Variants in FABP12 observed in about 807,000 individuals in gnomAD.
The protein encoded by FABP12 is fatty acid binding protein 12, also known as fatty acid-binding protein 12.
A neutral mutation model predicts 13.7 loss-of-function variants in FABP12; 19 were observed. The ratio of observed to expected loss-of-function variants is 1.39; its 90% confidence interval spans 0.97 to 2.04. The LOEUF (loss-of-function observed/expected upper bound fraction) is 2.04. Ranked by LOEUF, FABP12 falls within the 30% of genes most tolerant of loss-of-function variation. The probability of loss-of-function intolerance (pLI) is 0.00; values close to 1 mark genes in which losing one functional copy is unlikely to be tolerated. For synonymous variants in FABP12, 61 were observed against 57.0 expected (o/e 1.07, Z -0.32); for missense variants, 182 against 164.2 (o/e 1.11, Z -0.59).
chr8:81,546,985 T>C (rs1337615530), intron 1 of FABP12, among the ~76,000 whole-genome samples: 1 of 152,198 alleles, frequency 6.6e-6, no homozygotes, highest in Non-Finnish European at 1.5e-5. Flanking sequence ...AAGAGTTCTT[T>C]GCAAAAACTC....
intron 1 of FABP12, among the ~76,000 whole-genome samples, chr8:81,554,384 G>A (rs1357786996): frequency 6.6e-6 from 1 of 152,302 alleles, no homozygotes; most frequent in East Asian, 1.9e-4. Flanking sequence ...CCAAGAATCA[G>A]AGATTGTGGG....
At chr8:81,571,166 C>T (rs901720674) in intron 1 of FABP12, among the ~76,000 whole-genome samples, 3 of 152,224 alleles carry the variant, frequency 2.0e-5, no homozygotes, top group African/African-American at 7.2e-5. Context: ...TACTTGGGCT[C>T]GGCCTCAACC....
At chr8:81,539,947 A>G (rs1285472735) in intron 1 of FABP12, among the ~76,000 whole-genome samples, 1 of 152,168 alleles carries the variant, frequency 6.6e-6, no homozygotes, top group Non-Finnish European at 1.5e-5. Flanking sequence ...CAGTAACCTC[A>G]TGGTTCTCAA....
At chr8:81,525,758 T>C (rs1036776281) in intron 4 of FABP12, 4 of 152,232 alleles carry the variant, frequency 2.6e-5, no homozygotes, top group Admixed American at 6.5e-5. Context: ...AATGCCAACA[T>C]TGATGCATTT....
At chr8:81,543,903 T>C (rs527825039) in intron 1 of FABP12, among the ~76,000 whole-genome samples, 45 of 151,874 alleles carry the variant, frequency 3.0e-4, no homozygotes, top group Non-Finnish European at 5.9e-4. Context: ...AGGAGTTTTA[T>C]AGGAAAGAGA....
intron 3 of FABP12, 35 bp from the exon 4 acceptor site, chr8:81,527,156 T>C (rs1203076094): frequency 8.0e-7 from 1 of 1,246,706 alleles, no homozygotes; most frequent in Admixed American, 2.1e-5. Flanking sequence ...CAGATCAGCT[T>C]GTCATATTTC....
intron 1 of FABP12, among the ~76,000 whole-genome samples, chr8:81,560,987 G>A (rs567163505): frequency 1.4e-4 from 21 of 152,274 alleles, no homozygotes; most frequent in South Asian, 6.2e-4. Context: ...AAGGTGACCC[G>A]GCCACCCTTC....
intron 1 of FABP12, among the ~76,000 whole-genome samples, chr8:81,549,131 C>G (rs922786733): frequency 6.6e-6 from 1 of 152,002 alleles, no homozygotes; most frequent in Non-Finnish European, 1.5e-5. Flanking sequence ...CCAGTGCCAG[C>G]TTCACCTGAA....
At chr8:81,552,021 T>G (rs1809530459) in intron 1 of FABP12, among the ~76,000 whole-genome samples, 3 of 152,088 alleles carry the variant, frequency 2.0e-5, no homozygotes, top group African/African-American at 7.2e-5. Context: ...ATCATCTAAT[T>G]TGGACCACAG....
chr8:81,551,961 T>C (rs1285867983), intron 1 of FABP12, among the ~76,000 whole-genome samples: 2 of 152,116 alleles, frequency 1.3e-5, no homozygotes, highest in African/African-American at 2.4e-5. Context: ...TGCTAGCTTC[T>C]AGGATGTAGC....
At chr8:81,550,370 T>C (rs1426645378) in intron 1 of FABP12, among the ~76,000 whole-genome samples, 1 of 152,160 alleles carries the variant, frequency 6.6e-6, no homozygotes, top group Admixed American at 6.6e-5. Context: ...TGCAAACATG[T>C]TGAGGTTTTC....
At chr8:81,540,177 A>T (rs1009300340) in intron 1 of FABP12, among the ~76,000 whole-genome samples, 3 of 152,234 alleles carry the variant, frequency 2.0e-5, no homozygotes, top group African/African-American at 4.8e-5. Flanking sequence ...CTTTTTAGAA[A>T]TGCACATTCT....
chr8:81,549,728 A>G (rs1809495873), intron 1 of FABP12, among the ~76,000 whole-genome samples: 1 of 152,186 alleles, frequency 6.6e-6, no homozygotes, highest in South Asian at 2.1e-4. Context: ...TTCTGCTGTC[A>G]TTTTGTGAGA....
chr8:81,532,909 T>C (rs1183704196), intron 1 of FABP12: 1 of 152,248 alleles, frequency 6.6e-6, no homozygotes, highest in African/African-American at 2.4e-5. Flanking sequence ...ACTGTGCTCA[T>C]TCAACTTAAT....
At chr8:81,530,615 T>C (rs532962050) in intron 2 of FABP12, among the ~76,000 whole-genome samples, 2 of 152,358 alleles carry the variant, frequency 1.3e-5, no homozygotes, top group African/African-American at 4.8e-5. Context: ...GATTGGATAA[T>C]GGTTCCTAAA....
At chr8:81,579,331 CTAAAGAGGAGATATCCTCTT>C (rs1810117425) in intron 1 of FABP12, among the ~76,000 whole-genome samples, 1 of 152,026 alleles carries the variant, frequency 6.6e-6, no homozygotes, top group African/African-American at 2.4e-5. Flanking sequence ...AATTGCCTGA[CTAAAGAGGAGATATCCTCTT>C]TAGATAAAAC....
intron 1 of FABP12, among the ~76,000 whole-genome samples, chr8:81,572,927 T>C (rs559102149): frequency 1.0e-3 from 151 of 143,916 alleles, no homozygotes; most frequent in African/African-American, 3.6e-3. Context: ...ACTGTTCTTT[T>C]GCCCTGCAAA....
chr8:81,582,545 CAGA>C (rs1222999957), intron 1 of FABP12, among the ~76,000 whole-genome samples: 1 of 151,596 alleles, frequency 6.6e-6, no homozygotes, highest in Non-Finnish European at 1.5e-5. Flanking sequence ...CACAAGCAAG[CAGA>C]AGTAGCTATA....
chr8:81,534,993 A>T (rs1362639940), upstream of FABP12, among the ~76,000 whole-genome samples: 2 of 152,172 alleles, frequency 1.3e-5, no homozygotes, highest in Non-Finnish European at 2.9e-5. Context: ...TGCAAATGCA[A>T]ATGGTTTCTG....
Sources: allele counts gnomAD v4.1 joint callset (sites outside exome capture counted in the v4.1 genomes callset), GRCh38; gene constraint gnomAD v4.1.1; transcripts MANE v1.5; gene names NCBI Gene and HGNC (gene_info 2026-07-23, HGNC 2026-07-21).